Variants in SLC4A4 observed in about 807,000 individuals in gnomAD.
SLC4A4 encodes the protein electrogenic sodium bicarbonate cotransporter 1.
SLC4A4 carries 27 observed loss-of-function variants against 111.5 expected under a neutral mutation model. The observed-to-expected ratio is 0.24, with a 90% CI of 0.18 to 0.33. The LOEUF is 0.33. SLC4A4 is among the 10% of genes least tolerant of loss of function. The pLI is 1.00. For synonymous variants in SLC4A4, 443 were observed against 463.4 expected (o/e 0.96, Z 0.57); for missense variants, 909 against 1,315.5 (o/e 0.69, Z 4.78).
At chr4:71,465,799 T>G (rs1160111833) in intron 12 of SLC4A4, among the ~76,000 whole-genome samples, 1 of 152,042 alleles carries the variant, frequency 6.6e-6, no homozygotes, top group Non-Finnish European at 1.5e-5. Context: ...TTATTTATGT[T>G]CCAGCACATA....
chr4:71,312,429 A>G (rs767128100), intron 3 of SLC4A4, among the ~76,000 whole-genome samples: 21 of 152,360 alleles, frequency 1.4e-4, no homozygotes, highest in Non-Finnish European at 2.4e-4. Context: ...TTATAAGGCC[A>G]GCATCATCCT....
At chr4:71,468,481 A>G (rs1204979659) in intron 13 of SLC4A4, among the ~76,000 whole-genome samples, 1 of 151,908 alleles carries the variant, frequency 6.6e-6, no homozygotes, top group African/African-American at 2.4e-5. Context: ...TTCTATCATA[A>G]TTGGTAACAT....
At chr4:71,116,046 C>T (rs71673458) in intron 2 of SLC4A4, among the ~76,000 whole-genome samples, 4,873 of 152,230 alleles carry the variant, frequency 0.032, 108 homozygotes, top group South Asian at 0.069. Flanking sequence ...AGGCACACAC[C>T]ACGACGCCTG....
chr4:71,280,144 T>A (rs1303468574), intron 3 of SLC4A4, among the ~76,000 whole-genome samples: 2 of 152,242 alleles, frequency 1.3e-5, no homozygotes, highest in Admixed American at 1.3e-4. Context: ...AGGTAATGTC[T>A]TATATTGCAT....
chr4:71,200,574 C>G (rs893382855), intron 1 of SLC4A4, among the ~76,000 whole-genome samples: 2 of 152,132 alleles, frequency 1.3e-5, no homozygotes, highest in African/African-American at 4.8e-5. Context: ...CTATGACACC[C>G]TCTTTACAAC....
intron 14 of SLC4A4, among the ~76,000 whole-genome samples, chr4:71,480,592 C>T (rs562991890): frequency 4.6e-5 from 7 of 151,800 alleles, no homozygotes; most frequent in Admixed American, 4.6e-4. Context: ...TATCCAGAAC[C>T]CTTAAATAAA....
chr4:71,215,691 C>A (rs907053613), intron 1 of SLC4A4, among the ~76,000 whole-genome samples: 4 of 152,144 alleles, frequency 2.6e-5, no homozygotes, highest in African/African-American at 9.7e-5. Flanking sequence ...GTGTTTCATC[C>A]TATGTAAAGT....
intron 3 of SLC4A4, among the ~76,000 whole-genome samples, chr4:71,317,837 C>T (rs1194684013): frequency 6.6e-6 from 1 of 151,860 alleles, no homozygotes; most frequent in Non-Finnish European, 1.5e-5. Context: ...TATGCAATAA[C>T]CTCATTGAAT....
chr4:71,285,421 C>T (rs1463527732), intron 3 of SLC4A4, among the ~76,000 whole-genome samples: 1 of 152,024 alleles, frequency 6.6e-6, no homozygotes, highest in Non-Finnish European at 1.5e-5. Flanking sequence ...GGCAAATTGC[C>T]TGTATTGATC....
Position 71,353,676 on chromosome 4 carries a change from G to A in SLC4A4, c.551-3332G>A, listed in dbSNP as rs1009799438. Among the ~76,000 whole-genome samples the A allele has an allele frequency of 8.5e-5, 13 of 152,202 alleles. 1 individual carries two copies. Among genetic ancestry groups the A allele is most frequent in the African/African-American group, 3.1e-4 (13 of 41,552 alleles). On this transcript the variant is annotated intron_variant, in intron 5 of 25. Coordinates refer to ENST00000264485, the MANE Select transcript of SLC4A4 (RefSeq NM_001098484.3). ...CAAATCATGCTGATACTTCTGAGTT[G>A]AGAATTATGCACAGCTAAATCTTAA... is the stretch of plus-strand genomic sequence containing the variant.
chr4:71,091,746 G>T (rs971551618), intron 1 of SLC4A4, among the ~76,000 whole-genome samples: 3 of 152,068 alleles, frequency 2.0e-5, no homozygotes, highest in African/African-American at 7.2e-5. Flanking sequence ...AATACTACAT[G>T]TCCCTATTAG....
intron 1 of SLC4A4, chr4:71,233,224 C>T (rs1369908230): frequency 1.0e-6 from 1 of 968,880 alleles, no homozygotes; most frequent in East Asian, 1.1e-4. Flanking sequence ...ATAGTAGTAG[C>T]ATCCAGTAAA....
intron 3 of SLC4A4, among the ~76,000 whole-genome samples, chr4:71,286,295 T>C (rs2149097131): frequency 1.3e-5 from 2 of 152,258 alleles, no homozygotes; most frequent in Middle Eastern, 6.8e-3. Flanking sequence ...ATAAGTAAAT[T>C]GGGGTGGAGC....
intron 2 of SLC4A4, among the ~76,000 whole-genome samples, chr4:71,173,969 T>A (rs1208607427): frequency 1.3e-5 from 2 of 152,214 alleles, no homozygotes; most frequent in South Asian, 4.1e-4. Flanking sequence ...GGAATGGCTA[T>A]GTAGGTGTTG....
chr4:71,440,943 T>C (rs576394078), intron 8 of SLC4A4, among the ~76,000 whole-genome samples, 170 bp downstream of exon 8: 6 of 152,344 alleles, frequency 3.9e-5, no homozygotes, highest in East Asian at 1.9e-4. Context: ...TTGGCACTTA[T>C]ATAGTAATAA....
Position 71,453,353 on chromosome 4 carries a change from T to G in SLC4A4, c.1323-142T>G, listed in dbSNP as rs185431282. The G allele has an allele frequency of 3.5e-6, 3 of 850,148 alleles. No individual in the cohort carries two copies. In the East Asian group the frequency reaches 7.4e-5, roughly 21 times the overall value. The allele number at this position is 850,148 out of a possible 1,614,324, so 52.7% of individuals were successfully genotyped here. Reference sequence around the variant, plus strand: ...ATTTATTCCTTTATAGTTTTCTGGTTTCATCGTAAGTGGTTAAGTAGTATC... The same window carrying G: ...ATTTATTCCTTTATAGTTTTCTGGTGTCATCGTAAGTGGTTAAGTAGTATC... On this transcript the variant is annotated intron_variant, in intron 11 of 25. Transcript: ENST00000264485.
chr4:71,376,134 TACAC>T (rs1732342168), intron 6 of SLC4A4, among the ~76,000 whole-genome samples: 1 of 138,576 alleles, frequency 7.2e-6, no homozygotes, highest in Non-Finnish European at 1.5e-5. Flanking sequence ...TATATATACA[TACAC>T]ATATATACCT....
At chr4:71,289,174 G>A (rs1018242420) in intron 3 of SLC4A4, among the ~76,000 whole-genome samples, 3 of 152,024 alleles carry the variant, frequency 2.0e-5, no homozygotes, top group African/African-American at 7.3e-5. Flanking sequence ...TTCAGCAGGT[G>A]GACAAGCTAA....
intron 1 of SLC4A4, among the ~76,000 whole-genome samples, chr4:71,211,580 T>C (rs2579308): frequency 0.99 from 151,449 of 152,302 alleles, 75,308 homozygotes; most frequent in Middle Eastern, 1. Flanking sequence ...GTTTTAAAAA[T>C]GTGGGTATGT....
Sources: gnomAD v4.1 joint callset for allele counts (sites outside exome capture counted in the v4.1 genomes callset) on GRCh38, gnomAD v4.1.1 for gene constraint, MANE v1.5 for transcripts, NCBI Gene and HGNC (gene_info 2026-07-23, HGNC 2026-07-21) for gene names.